CYSLTR1: variants seen among roughly 807,000 people sequenced by gnomAD.
CYSLTR1 encodes G-protein coupled receptor HG55.
A neutral mutation model predicts 2.1 loss-of-function variants in CYSLTR1; 1 was observed. The ratio of observed to expected loss-of-function variants is 0.48; its 90% CI spans 0.17 to 2.28. The LOEUF (loss-of-function observed/expected upper bound fraction) is 2.28. Among genes scored for constraint, CYSLTR1 ranks in the 30% most tolerant of loss-of-function variants. The pLI is 0.26. For missense variants in CYSLTR1, 299 were observed against 250.1 expected, an observed-to-expected ratio of 1.20 and a Z score of -1.32; for synonymous variants, 110 against 89.6, an observed-to-expected ratio of 1.23 and a Z score of -1.28.
chrX:78,298,753 C>T (rs1922685597), intron 1 of CYSLTR1, among the ~76,000 whole-genome samples: 1 of 110,962 alleles, frequency 9.0e-6, no homozygotes, highest in Non-Finnish European at 1.9e-5. Context: ...TATTTTCTGT[C>T]TATGTGTGCC....
At chrX:78,304,293 A>G (rs1922942468) in intron 1 of CYSLTR1, among the ~76,000 whole-genome samples, 3 of 111,917 alleles carry the variant, frequency 2.7e-5, no homozygotes, top group African/African-American at 9.7e-5. Flanking sequence ...TAGCACCACC[A>G]TTCTTCAGGC....
chrX:78,309,189 A>G (rs2147269868), intron 1 of CYSLTR1, among the ~76,000 whole-genome samples: 1 of 111,366 alleles, frequency 9.0e-6, no homozygotes, highest in Admixed American at 9.6e-5. Context: ...GAGAGAGAAG[A>G]AAAATTGGTA....
intron 1 of CYSLTR1, among the ~76,000 whole-genome samples, chrX:78,322,964 T>C (rs1408676707): frequency 9.0e-6 from 1 of 111,607 alleles, no homozygotes; most frequent in Non-Finnish European, 1.9e-5. Flanking sequence ...TGACAGTGTG[T>C]CCCCTTCCAT....
intron 1 of CYSLTR1, among the ~76,000 whole-genome samples, chrX:78,327,033 A>G (rs1438836984): frequency 8.9e-6 from 1 of 111,894 alleles, no homozygotes; most frequent in African/African-American, 3.2e-5. Flanking sequence ...TAAATTACAA[A>G]GGCACAGGAG....
Position 78,314,835 on chromosome X carries a change from G to C in CYSLTR1, c.-115+12470C>G, listed in dbSNP as rs189128651. 9.6e-3 allele frequency among the ~76,000 whole-genome samples: 1,049 copies of C among 109,469 alleles called. 13 individuals are homozygous for C. The highest frequency in any genetic ancestry group is 0.033 in the African/African-American group (978 of 30,085). On this transcript the variant is annotated intron_variant, in intron 1 of 2. Transcript: ENST00000373304. ...GGGCTCTAAATAATCTTGAAAGGCA[G>C]CCTAGGCTGCAAGGACTGCAACTCC...
chrX:78,312,292 C>A lies in CYSLTR1; in HGVS notation c.-115+15013G>T, dbSNP rs1159855824. On this transcript the variant is annotated intron_variant, in intron 1 of 2. Transcript: ENST00000373304. ...GGCTAGCCATATGCAAAAGAATGGA[C>A]CCTATACCTCTCACTATATACAAAA... Among the ~76,000 whole-genome samples the A allele has an allele frequency of 3.6e-5, 4 of 110,596 alleles. No individual in the cohort carries two copies. The East Asian group carries it at 1.1e-3, about 31-fold the overall frequency.
chrX:78,290,349 G>T lies in CYSLTR1; in HGVS notation c.-114-6809C>A, dbSNP rs187492853. On this transcript the variant is annotated intron_variant, in intron 1 of 2. Transcript: ENST00000373304. ...CCTGTTTTGGTACCAGAACCATGCTGTTTTGGTTACTGTAGCCTTATAGTA... is the reference window on the plus strand; with the variant it reads ...CCTGTTTTGGTACCAGAACCATGCTTTTTTGGTTACTGTAGCCTTATAGTA... Among the ~76,000 whole-genome samples the T allele has an allele frequency of 4.3e-3, 486 of 111,838 alleles. 4 individuals carry two copies. Among genetic ancestry groups the T allele is most frequent in the African/African-American group, 0.015 (459 of 30,773 alleles).
Position 78,290,143 on chromosome X carries a change from G to T in CYSLTR1, c.-114-6603C>A, listed in dbSNP as rs1315225136. On this transcript the variant is annotated intron_variant, in intron 1 of 2. Coordinates refer to ENST00000373304, the MANE Select transcript of CYSLTR1 (RefSeq NM_006639.4). ...CCATCTTAATTACTTTTTGTATAAG[G>T]TATAAGGAAGGGATCCAGTTTCAGC... Among the ~76,000 whole-genome samples, 4 of 111,836 alleles carry T rather than the reference G, an allele frequency of 3.6e-5. 1 individual carries two copies. The highest frequency in any genetic ancestry group is 1.9e-4 in the Admixed American group (2 of 10,554).
chrX:78,325,333 T>A (rs776734927), intron 1 of CYSLTR1, among the ~76,000 whole-genome samples: 81 of 111,815 alleles, frequency 7.2e-4, no homozygotes, highest in Non-Finnish European at 1.2e-3. Context: ...TAGCTAGCCC[T>A]ACTGTCTCCC....
At chrX:78,294,758 A>G (rs1313214572) in intron 1 of CYSLTR1, among the ~76,000 whole-genome samples, 1 of 112,785 alleles carries the variant, frequency 8.9e-6, no homozygotes, top group African/African-American at 3.2e-5. Flanking sequence ...ATAGTGAGCA[A>G]GGCTCTGTGT....
chrX:78,322,733 C>T (rs1923713537), intron 1 of CYSLTR1, among the ~76,000 whole-genome samples: 2 of 111,939 alleles, frequency 1.8e-5, no homozygotes, highest in Admixed American at 1.9e-4. Flanking sequence ...TTTGGGAATA[C>T]ATTTCCAAGG....
At position 78,311,230 on chromosome X, in the gene CYSLTR1, T is replaced by C. The variant is rs1923209714; in HGVS notation, c.-115+16075A>G. 2.7e-5 allele frequency among the ~76,000 whole-genome samples: 3 copies of C among 111,156 alleles called. No homozygotes were observed. The Admixed American group carries it at 2.9e-4, about 11-fold the overall frequency. ...GAAAGATTGGTGGAGGTTGGAATAA[T>C]TGGCTCTGTAGAATGGGAGAGAAAT... On this transcript the variant is annotated intron_variant, in intron 1 of 2. Coordinates refer to ENST00000373304, the MANE Select transcript of CYSLTR1 (RefSeq NM_006639.4).
At chrX:78,326,853 G>A (rs1923878559) in intron 1 of CYSLTR1, among the ~76,000 whole-genome samples, 3 of 111,857 alleles carry the variant, frequency 2.7e-5, no homozygotes, top group South Asian at 7.4e-4. Context: ...AAAGGTTCAG[G>A]TGGGATAACA....
At chrX:78,274,065 A>G (rs1178272420) in intron 2 of CYSLTR1, among the ~76,000 whole-genome samples, 1 of 111,316 alleles carries the variant, frequency 9.0e-6, no homozygotes, top group Non-Finnish European at 1.9e-5. Flanking sequence ...AAATCATACT[A>G]CTGTAGTACA....
At chrX:78,317,704 A>G (rs1267972295) in intron 1 of CYSLTR1, among the ~76,000 whole-genome samples, 4 of 112,648 alleles carry the variant, frequency 3.6e-5, no homozygotes, top group Non-Finnish European at 7.5e-5. Flanking sequence ...GGAGACCATT[A>G]TTCTAAGTGA....
chrX:78,323,612 A>C (rs933512411), intron 1 of CYSLTR1, among the ~76,000 whole-genome samples: 3 of 112,250 alleles, frequency 2.7e-5, no homozygotes, highest in Non-Finnish European at 5.6e-5. Flanking sequence ...AAACACTGTT[A>C]ATCTGAAATT....
intron 1 of CYSLTR1, among the ~76,000 whole-genome samples, chrX:78,302,741 C>T (rs953862509): frequency 1.4e-4 from 15 of 110,786 alleles, no homozygotes; most frequent in Admixed American, 7.7e-4. Flanking sequence ...AAGGGCCTCA[C>T]GACTCTGACT....
chrX:78,299,649 G>C (rs533886901), intron 1 of CYSLTR1, among the ~76,000 whole-genome samples: 1 of 111,208 alleles, frequency 9.0e-6, no homozygotes. Flanking sequence ...TGAAAAGTAT[G>C]CTGCCAGAGG....
At chrX:78,288,747 C>T (rs1445242849) in intron 1 of CYSLTR1, among the ~76,000 whole-genome samples, 3 of 111,147 alleles carry the variant, frequency 2.7e-5, no homozygotes, top group African/African-American at 9.8e-5. Context: ...TTAAAATGTA[C>T]AAATAAATTA....
Sources: allele counts gnomAD v4.1 joint callset (sites outside exome capture counted in the v4.1 genomes callset), GRCh38; gene constraint gnomAD v4.1.1; transcripts MANE v1.5; gene names NCBI Gene and HGNC (gene_info 2026-07-23, HGNC 2026-07-21).